NRG3: variants seen among roughly 807,000 people sequenced by gnomAD.
NRG3 encodes the protein pro-neuregulin-3, membrane-bound isoform.
Under a neutral mutation model 66.9 loss-of-function variants are expected in NRG3, and 31 were observed. That is an observed-to-expected ratio of 0.46 (90% CI 0.35 to 0.63). The LOEUF (loss-of-function observed/expected upper bound fraction) is 0.63. NRG3 is among the 20% of genes least tolerant of loss of function. NRG3 has a pLI of 0.00. For synonymous variants in NRG3, 393 were observed against 359.4 expected, an observed-to-expected ratio of 1.09 and a Z score of -1.06; for missense variants, 910 against 878.9, an observed-to-expected ratio of 1.04 and a Z score of -0.45.
Position 82,214,475 on chromosome 10 carries a change from C to T in NRG3, c.824-144264C>T, listed in dbSNP as rs1310042927. ...TATCATCACATCTATTTCCACCCCC[C>T]GCCCTTGGAGACAAGGTCTCACTCC... On this transcript the variant is annotated intron_variant, in intron 1 of 8. Transcript: ENST00000372141. Among the ~76,000 whole-genome samples, 8 of 152,234 alleles carry T rather than the reference C, an allele frequency of 5.3e-5. No individual in the cohort carries two copies. The East Asian group carries it at 5.8e-4, about 11-fold the overall frequency.
chr10:82,837,668 G>A (rs2062846582), intron 3 of NRG3, among the ~76,000 whole-genome samples: 1 of 152,108 alleles, frequency 6.6e-6, no homozygotes, highest in Non-Finnish European at 1.5e-5. Flanking sequence ...GAGGGACACT[G>A]GTAAACTAGA....
At chr10:82,112,423 T>G (rs2067442329) in intron 1 of NRG3, among the ~76,000 whole-genome samples, 1 of 152,078 alleles carries the variant, frequency 6.6e-6, no homozygotes, top group Non-Finnish European at 1.5e-5. Context: ...CTCATAGGAA[T>G]CAAACAGAAA....
intron 1 of NRG3, among the ~76,000 whole-genome samples, chr10:82,295,493 A>G (rs2080010172): frequency 1.3e-5 from 2 of 152,122 alleles, no homozygotes; most frequent in African/African-American, 4.8e-5. Flanking sequence ...GAGTAAAGTG[A>G]AGAATCATAA....
chr10:82,256,018 G>A (rs992288483), intron 1 of NRG3, among the ~76,000 whole-genome samples: 4 of 151,858 alleles, frequency 2.6e-5, no homozygotes, highest in African/African-American at 4.8e-5. Context: ...CCATCTCCTG[G>A]GTTCAAGTGA....
At chr10:82,369,894 G>A (rs1257733743) in intron 2 of NRG3, among the ~76,000 whole-genome samples, 1 of 138,178 alleles carries the variant, frequency 7.2e-6, no homozygotes, top group Non-Finnish European at 1.5e-5. Context: ...AAACGAGAGA[G>A]TTCCCTGACA....
intron 2 of NRG3, among the ~76,000 whole-genome samples, chr10:82,701,236 G>A (rs369182618): frequency 9.9e-5 from 15 of 152,052 alleles, no homozygotes; most frequent in Non-Finnish European, 2.1e-4. Flanking sequence ...TTCCCTTGTC[G>A]GTTTCTTGTA....
At chr10:82,648,282 T>G (rs2051120125) in intron 2 of NRG3, among the ~76,000 whole-genome samples, 1 of 152,068 alleles carries the variant, frequency 6.6e-6, no homozygotes, top group African/African-American at 2.4e-5. Flanking sequence ...CATTGCTTGT[T>G]TTTGTCAGGT....
At chr10:82,608,068 T>C (rs1047335395) in intron 2 of NRG3, among the ~76,000 whole-genome samples, 9 of 152,178 alleles carry the variant, frequency 5.9e-5, no homozygotes, top group Non-Finnish European at 1.0e-4. Flanking sequence ...AGTTTCTGAC[T>C]TATACCATGT....
intron 4 of NRG3, among the ~76,000 whole-genome samples, chr10:82,902,103 A>T (rs1340531895): frequency 2.0e-5 from 3 of 152,182 alleles, no homozygotes; most frequent in Non-Finnish European, 4.4e-5. Flanking sequence ...CATATATTTC[A>T]TATACTATGT....
rs1849960053 is a variant in NRG3 at position 82,955,513 on chromosome 10, C to A, written c.1158-3436C>A. 3.3e-5 allele frequency among the ~76,000 whole-genome samples: 5 copies of A among 151,794 alleles called. No homozygotes were observed. The South Asian group carries it at 1.0e-3, about 31-fold the overall frequency. ...TGGGGATGAGTGTTAGAGTTCTTAG[C>A]AGAGCTTGGAAATACAAAATATGAT... On this transcript the variant is annotated intron_variant, in intron 5 of 8. Coordinates refer to ENST00000372141, the MANE Select transcript of NRG3 (RefSeq NM_001010848.4).
At chr10:82,011,176 G>A (rs1328405033) in intron 1 of NRG3, among the ~76,000 whole-genome samples, 2 of 152,132 alleles carry the variant, frequency 1.3e-5, no homozygotes, top group African/African-American at 4.8e-5. Flanking sequence ...CATAGCTGGG[G>A]AGGCCTCACA....
chr10:82,705,682 T>C (rs2056237373), intron 2 of NRG3, among the ~76,000 whole-genome samples: 2 of 152,180 alleles, frequency 1.3e-5, no homozygotes, highest in South Asian at 2.1e-4. Flanking sequence ...AATTTGGAGA[T>C]TACCTTTATC....
intron 1 of NRG3, among the ~76,000 whole-genome samples, chr10:82,278,978 C>T (rs1421845708): frequency 2.6e-5 from 4 of 152,118 alleles, no homozygotes; most frequent in Admixed American, 1.3e-4. Flanking sequence ...GCTTCTTTTA[C>T]GATATTGCAC....
intron 1 of NRG3, among the ~76,000 whole-genome samples, chr10:82,299,396 C>A (rs2080259164): frequency 6.6e-6 from 1 of 152,104 alleles, no homozygotes; most frequent in Non-Finnish European, 1.5e-5. Flanking sequence ...CAGTATCACA[C>A]AGCTAATAAA....
intron 2 of NRG3, among the ~76,000 whole-genome samples, chr10:82,696,548 A>G (rs1336128860): frequency 6.6e-6 from 1 of 152,178 alleles, no homozygotes; most frequent in Non-Finnish European, 1.5e-5. Flanking sequence ...AGAGCTAGCC[A>G]TACTTAGACC....
intron 4 of NRG3, among the ~76,000 whole-genome samples, chr10:82,912,601 T>C (rs1229769482): frequency 6.6e-6 from 1 of 152,174 alleles, no homozygotes; most frequent in East Asian, 1.9e-4. Context: ...TTTAAAAATA[T>C]ACTTCGACAA....
Position 81,875,423 on chromosome 10 carries a change from C to G in NRG3, c.83C>G (p.Ala28Gly), listed in dbSNP as rs2132417510. ...AASAEEGTAA[A>G]AAAAAAGGGP... ...TCGGCCGAGGAGGGCACCGCGGCGGCTGCGGCGGCGGCAGCGGCGGGCGGG... is the reference window on the plus strand; with the variant it reads ...TCGGCCGAGGAGGGCACCGCGGCGGGTGCGGCGGCGGCAGCGGCGGGCGGG... The change falls in exon 1 of 9, where the codon GCT becomes GGT. Residue 28 changes from alanine (A) to glycine (G), a missense_variant. Ala to Gly is a moderately conservative substitution (Grantham distance 60, BLOSUM62 0). Transcript: ENST00000372141. This position sits in a 1 kb window ranked among gnomAD's most constrained non-coding sequence, Gnocchi z 5.3. The G allele has an allele frequency of 9.2e-7, 1 of 1,086,560 alleles. No homozygotes were observed. The highest frequency in any genetic ancestry group is 1.7e-5 in the African/African-American group (1 of 59,106). 67.3% of individuals were successfully genotyped at this position (1,086,560 alleles called of 1,614,324 possible).
intron 1 of NRG3, among the ~76,000 whole-genome samples, chr10:81,988,468 T>A (rs2060611127): frequency 6.6e-6 from 1 of 152,200 alleles, no homozygotes; most frequent in South Asian, 2.1e-4. Flanking sequence ...TTATTATTAT[T>A]GCTAATGCCT....
At chr10:82,507,565 A>G (rs1274797696) in intron 2 of NRG3, among the ~76,000 whole-genome samples, 1 of 152,146 alleles carries the variant, frequency 6.6e-6, no homozygotes, top group Non-Finnish European at 1.5e-5. Context: ...TGTGGATGCC[A>G]CATCTGACTC....
Sources: allele counts gnomAD v4.1 joint callset (sites outside exome capture counted in the v4.1 genomes callset), GRCh38; gene constraint gnomAD v4.1.1; non-coding constraint Gnocchi (gnomAD v3.1); transcripts MANE v1.5; gene names NCBI Gene and HGNC (gene_info 2026-07-23, HGNC 2026-07-21).